The following CMIP variants were observed in gnomAD, a reference collection of about 807,000 sequenced individuals.
CMIP encodes C-Maf-inducing protein.
Under a neutral mutation model 97.3 loss-of-function variants are expected in CMIP, and 13 were observed. The ratio of observed to expected loss-of-function variants is 0.13; its 90% confidence interval spans 0.09 to 0.21. The LOEUF is 0.21. CMIP is among the 10% of genes least tolerant of loss of function. The pLI is 1.00. For missense variants in CMIP, 847 were observed against 1,024.9 expected, an observed-to-expected ratio of 0.83 and a Z score of 2.37; for synonymous variants, 538 against 436.3, an observed-to-expected ratio of 1.23 and a Z score of -2.91.
intron 1 of CMIP, among the ~76,000 whole-genome samples, chr16:81,497,229 GGCTC>G (rs1292366132): frequency 6.6e-6 from 1 of 152,202 alleles, no homozygotes; most frequent in East Asian, 1.9e-4. Flanking sequence ...GGGCTCTGAT[GGCTC>G]CCATTTATGA....
chr16:81,671,061 T>C (rs967246167), intron 8 of CMIP, among the ~76,000 whole-genome samples: 1 of 152,204 alleles, frequency 6.6e-6, no homozygotes, highest in East Asian at 1.9e-4. Context: ...ACTCCTGACC[T>C]CAGGTGATCC....
intron 1 of CMIP, 35 bp downstream of exon 1, chr16:81,445,576 C>T (rs950051382): frequency 2.0e-6 from 3 of 1,528,880 alleles, no homozygotes; most frequent in South Asian, 2.4e-5. Flanking sequence ...CCCCGCCTCT[C>T]CTCGGGGCCC....
At chr16:81,601,962 A>G (rs965336956) in intron 1 of CMIP, among the ~76,000 whole-genome samples, 2 of 152,240 alleles carry the variant, frequency 1.3e-5, no homozygotes, top group African/African-American at 2.4e-5. Flanking sequence ...AATGAGAGCA[A>G]TTTGGCAACA....
intron 1 of CMIP, among the ~76,000 whole-genome samples, chr16:81,538,136 G>C (rs1358205765): frequency 6.6e-6 from 1 of 152,226 alleles, no homozygotes; most frequent in African/African-American, 2.4e-5. Flanking sequence ...TTAGATGGGG[G>C]AACTGAGGCT....
chr16:81,558,746 A>G (rs1316583536), intron 1 of CMIP, among the ~76,000 whole-genome samples: 4 of 152,196 alleles, frequency 2.6e-5, no homozygotes, highest in Admixed American at 1.3e-4. Flanking sequence ...TTGGCACCCC[A>G]GGAAGCTTTT....
chr16:81,605,650 C>G (rs1324431941), intron 1 of CMIP, among the ~76,000 whole-genome samples: 1 of 152,214 alleles, frequency 6.6e-6, no homozygotes. Flanking sequence ...CCCAGCTGTT[C>G]CCACCTCTGA....
chr16:81,463,044 T>TCC (rs201020953), intron 1 of CMIP, among the ~76,000 whole-genome samples: 2,799 of 152,308 alleles, frequency 0.018, 86 homozygotes, highest in African/African-American at 0.063. Context: ...TGAGTCTCTA[T>TCC]CATGGAGGCT....
chr16:81,579,771 G>A (rs1376179324), intron 1 of CMIP, among the ~76,000 whole-genome samples: 1 of 152,168 alleles, frequency 6.6e-6, no homozygotes, highest in Non-Finnish European at 1.5e-5. Context: ...TGGCTAACAT[G>A]GTGAAACCCC....
intron 1 of CMIP, among the ~76,000 whole-genome samples, chr16:81,459,221 T>C (rs1265409312): frequency 6.6e-6 from 1 of 152,062 alleles, no homozygotes; most frequent in Non-Finnish European, 1.5e-5. Context: ...TAAAGGCCTT[T>C]GTCTGTTGCA....
intron 1 of CMIP, among the ~76,000 whole-genome samples, chr16:81,590,338 T>A (rs1567597522): frequency 6.6e-6 from 1 of 152,202 alleles, no homozygotes; most frequent in African/African-American, 2.4e-5. Context: ...CCAGCTTTCT[T>A]GACACTGTCA....
intron 1 of CMIP, among the ~76,000 whole-genome samples, chr16:81,480,321 C>A (rs556924895): frequency 6.6e-6 from 1 of 152,296 alleles, no homozygotes; most frequent in African/African-American, 2.4e-5. Context: ...GGGCAGATCA[C>A]CTGAGGTCAG....
intron 1 of CMIP, among the ~76,000 whole-genome samples, chr16:81,494,299 C>T (rs2150769575): frequency 6.6e-6 from 1 of 152,340 alleles, no homozygotes; most frequent in Non-Finnish European, 1.5e-5. Context: ...GGGCAGAGCC[C>T]AGCCAGCTGC....
intron 1 of CMIP, among the ~76,000 whole-genome samples, chr16:81,538,510 C>A (rs146550694): frequency 6.6e-6 from 1 of 152,252 alleles, no homozygotes; most frequent in East Asian, 1.9e-4. Context: ...TCTTACTTCG[C>A]GAGCTGAGTA....
intron 3 of CMIP, among the ~76,000 whole-genome samples, chr16:81,644,937 C>A (rs2092346987): frequency 6.6e-6 from 1 of 152,168 alleles, no homozygotes; most frequent in Non-Finnish European, 1.5e-5. Context: ...TGGGTAGAGG[C>A]AAACATGCAT....
chr16:81,615,596 G>A (rs1187472606), intron 2 of CMIP, among the ~76,000 whole-genome samples: 5 of 148,616 alleles, frequency 3.4e-5, no homozygotes, highest in Non-Finnish European at 6.0e-5. Flanking sequence ...GTCTGTGTGT[G>A]TGGTGTATGT....
intron 1 of CMIP, among the ~76,000 whole-genome samples, chr16:81,493,919 G>T (rs1029052410): frequency 2.6e-5 from 4 of 152,212 alleles, no homozygotes; most frequent in Non-Finnish European, 4.4e-5. Context: ...TTCAGGCCTC[G>T]CCTGTACACT....
intron 1 of CMIP, among the ~76,000 whole-genome samples, chr16:81,523,270 C>T (rs7200135): frequency 2.0e-3 from 312 of 152,308 alleles, no homozygotes; most frequent in African/African-American, 7.2e-3. Context: ...CCACCCTATC[C>T]GACGATGCTC....
intron 1 of CMIP, among the ~76,000 whole-genome samples, chr16:81,561,954 G>A (rs1187373429): frequency 2.0e-5 from 3 of 152,172 alleles, no homozygotes; most frequent in African/African-American, 7.2e-5. Context: ...GGGGGCTGTT[G>A]TAGTAATCCA....
chr16:81,662,885 T>G (rs1029138444), intron 6 of CMIP, among the ~76,000 whole-genome samples: 1 of 152,130 alleles, frequency 6.6e-6, no homozygotes, highest in Admixed American at 6.5e-5. Context: ...ACCCTGGTGG[T>G]CAAATGCCAA....
Sources: allele counts gnomAD v4.1 joint callset (sites outside exome capture counted in the v4.1 genomes callset), GRCh38; gene constraint gnomAD v4.1.1; transcripts MANE v1.5; gene names NCBI Gene and HGNC (gene_info 2026-07-23, HGNC 2026-07-21).